The following CDH11 variants were observed in gnomAD, a reference collection of about 807,000 sequenced individuals.
CDH11 encodes cadherin 11, also known as cadherin-11.
In CDH11, 11 loss-of-function variants were observed where a neutral mutation model predicts 67.8. That is an observed-to-expected ratio of 0.16 (90% CI 0.10 to 0.27). The LOEUF (loss-of-function observed/expected upper bound fraction) is 0.27, where lower values mean the gene tolerates loss of function less well. CDH11 is among the 10% of genes least tolerant of loss of function. The probability of loss-of-function intolerance (pLI) is 1.00; values close to 1 mark genes in which losing one functional copy is unlikely to be tolerated. For synonymous variants in CDH11, 419 were observed against 400.0 expected (o/e 1.05, Z -0.57); for missense variants, 847 against 1,031.2 (o/e 0.82, Z 2.45).
At chr16:65,045,612 A>T (rs2073948933) in intron 2 of CDH11, among the ~76,000 whole-genome samples, 1 of 151,906 alleles carries the variant, frequency 6.6e-6, no homozygotes, top group Non-Finnish European at 1.5e-5. Context: ...TTGAGCTCTG[A>T]GTCCCCCACT....
rs756294509 is a variant in CDH11 at position 65,004,665 on chromosome 16, G to C, written c.205C>G (p.Pro69Ala). 28 of 1,613,310 alleles carry C rather than the reference G, an allele frequency of 1.7e-5. No homozygotes were observed. Among genetic ancestry groups the C allele is most frequent in the Non-Finnish European group, 2.2e-5 (26 of 1,179,876 alleles). ...ACCCTGCCCACAAGCACGGGGTCAG[G>C]CCCGGTGTACTCCTCTATCACGAAG... ...QFFVIEEYTG[P>A]DPVLVGRLHS... Residue 69 changes from proline to alanine, a missense_variant, in exon 3 of 13, where the codon CCT (proline) becomes GCT (alanine). Physicochemically the swap from Pro to Ala is conservative, Grantham distance 27 (BLOSUM62 -1). Transcript: ENST00000268603.
intron 1 of CDH11, among the ~76,000 whole-genome samples, chr16:65,095,354 G>A (rs1040913523): frequency 3.9e-5 from 6 of 152,104 alleles, no homozygotes; most frequent in Non-Finnish European, 5.9e-5. Flanking sequence ...AACACTTGCG[G>A]CTTTTGATAA....
At chr16:64,954,901 C>T (rs2071463639) in intron 11 of CDH11, among the ~76,000 whole-genome samples, 1 of 148,244 alleles carries the variant, frequency 6.7e-6, no homozygotes. Flanking sequence ...GCCAGGAGTT[C>T]AAGACCAGCC....
intron 2 of CDH11, 40 bp from the exon 3 acceptor site, chr16:65,005,081 C>A (rs1421556463): frequency 1.5e-5 from 20 of 1,339,884 alleles, no homozygotes; most frequent in African/African-American, 3.0e-5. Flanking sequence ...CAGGCCAAAT[C>A]CCCACTTCAT....
chr16:65,099,355 T>C, intron 1 of CDH11, among the ~76,000 whole-genome samples: 1 of 152,182 alleles, frequency 6.6e-6, no homozygotes, highest in Non-Finnish European at 1.5e-5. Context: ...TACATGTTGT[T>C]TTTCCTTGTC....
At chr16:64,991,514 A>G (rs2072627809) in intron 6 of CDH11, 3 of 433,578 alleles carry the variant, frequency 6.9e-6, no homozygotes, top group South Asian at 4.4e-5. Flanking sequence ...CAAAATACTT[A>G]GCAAAAACGA....
chr16:65,030,617 C>T (rs1367552827), intron 2 of CDH11, among the ~76,000 whole-genome samples: 1 of 152,222 alleles, frequency 6.6e-6, no homozygotes. Flanking sequence ...GTCTTCAAGG[C>T]TGGAGTGGAG....
At chr16:65,034,056 C>T (rs1051403088) in intron 2 of CDH11, among the ~76,000 whole-genome samples, 15 of 152,148 alleles carry the variant, frequency 9.9e-5, no homozygotes, top group African/African-American at 2.7e-4. Flanking sequence ...AAGCCCTAAC[C>T]GCTAGTTTCA....
intron 11 of CDH11, among the ~76,000 whole-genome samples, chr16:64,970,788 AT>A (rs1435235283): frequency 6.6e-6 from 1 of 152,196 alleles, no homozygotes; most frequent in Non-Finnish European, 1.5e-5. Flanking sequence ...AAATGGTGGC[AT>A]TTGTCTCCCT....
chr16:65,009,357 T>C (rs1426649771), intron 2 of CDH11, among the ~76,000 whole-genome samples: 1 of 152,176 alleles, frequency 6.6e-6, no homozygotes, highest in East Asian at 1.9e-4. Context: ...TATAACCAGG[T>C]CTTTAAACAA....
chr16:64,996,001 T>C (rs759461101), intron 4 of CDH11, among the ~76,000 whole-genome samples: 8 of 152,188 alleles, frequency 5.3e-5, no homozygotes, highest in Non-Finnish European at 1.0e-4. Flanking sequence ...TTGGTCGTCA[T>C]TAAACATCAG....
At chr16:64,988,927 G>C (rs2072561558) in intron 6 of CDH11, among the ~76,000 whole-genome samples, 1 of 152,054 alleles carries the variant, frequency 6.6e-6, no homozygotes, top group Non-Finnish European at 1.5e-5. Flanking sequence ...TCTCCAGAAG[G>C]CTTTCCTGCA....
chr16:64,968,574 G>A, intron 11 of CDH11: 9 of 984,852 alleles, frequency 9.1e-6, no homozygotes, highest in Non-Finnish European at 1.1e-5. Context: ...AGCTCGGGCT[G>A]CAGAACGGAA....
Position 65,120,886 on chromosome 16 carries a change from C to T in CDH11, c.-298+994G>A, listed in dbSNP as rs138462054. On this transcript the variant is annotated intron_variant, in intron 1 of 12. Coordinates refer to ENST00000268603, the MANE Select transcript of CDH11 (RefSeq NM_001797.4). ...CTCCGCTTCACAGCGTGAGGCGGGC[C>T]CTCCTACAGTTCCTCTGGGTTGGGG... is the stretch of plus-strand genomic sequence containing the variant. 4.6e-4 allele frequency among the ~76,000 whole-genome samples: 70 copies of T among 152,280 alleles called. 1 individual carries two copies. In the East Asian group the frequency reaches 0.013, roughly 29 times the overall value.
intron 1 of CDH11, among the ~76,000 whole-genome samples, chr16:65,080,729 C>T (rs2074596418): frequency 6.6e-6 from 1 of 152,086 alleles, no homozygotes; most frequent in South Asian, 2.1e-4. Context: ...TAAAATACCT[C>T]TTCATTTGTT....
chr16:65,061,005 CTCT>C (rs1949296270), intron 1 of CDH11, among the ~76,000 whole-genome samples: 1 of 152,212 alleles, frequency 6.6e-6, no homozygotes, highest in Admixed American at 6.5e-5. Flanking sequence ...TGCATCTGAC[CTCT>C]TCTTCCATTT....
At position 64,947,375 on chromosome 16, in the gene CDH11, T is replaced by TTTTTTA; in HGVS notation, c.*227_*228insTAAAAA. The TTTTTTA allele has an allele frequency of 7.8e-7, 1 of 1,278,244 alleles. No homozygotes were observed. Among genetic ancestry groups the TTTTTTA allele is most frequent in the Non-Finnish European group, 9.9e-7 (1 of 1,011,684 alleles). 79.2% of individuals were successfully genotyped at this position (1,278,244 alleles called of 1,614,324 possible). ...TTGTATGCCAAGTGTTTTTTTTTTC[T>TTTTTTA]AGCGAAGTTGATAAACAACTTCAAT... is the stretch of plus-strand genomic sequence containing the variant. On this transcript the variant is annotated 3_prime_UTR_variant, in exon 13 of 13. Transcript: ENST00000268603.
In CDH11 at chr16:64,996,102, G is replaced by A. The variant is rs117794730; in HGVS notation, c.523+2460C>T. ...AGTCAAAAAATAACATGCTGGTGAG[G>A]ATGTGGAGAAAAGGGAACACATATA... On this transcript the variant is annotated intron_variant, in intron 4 of 12. Coordinates refer to ENST00000268603, the MANE Select transcript of CDH11 (RefSeq NM_001797.4). Among the ~76,000 whole-genome samples the A allele has an allele frequency of 6.1e-3, 929 of 152,300 alleles. 4 individuals are homozygous for A. The highest frequency in any genetic ancestry group is 6.2e-3 in the Non-Finnish European group (422 of 68,026).
At chr16:64,999,127 C>A (rs7190541) in intron 3 of CDH11, among the ~76,000 whole-genome samples, 1 of 152,058 alleles carries the variant, frequency 6.6e-6, no homozygotes, top group African/African-American at 2.4e-5. Context: ...CATATATATG[C>A]GCATATGCAA....
Sources: gnomAD v4.1 joint callset for allele counts (sites outside exome capture counted in the v4.1 genomes callset) on GRCh38, gnomAD v4.1.1 for gene constraint, MANE v1.5 for transcripts, NCBI Gene and HGNC (gene_info 2026-07-23, HGNC 2026-07-21) for gene names.